FAM53A: variants seen among roughly 807,000 people sequenced by gnomAD.
FAM53A encodes the protein family with sequence similarity 53 member A, also known as protein FAM53A.
Under a neutral mutation model 26.6 loss-of-function variants are expected in FAM53A, and 28 were observed. The ratio of observed to expected loss-of-function variants is 1.05; its 90% CI spans 0.78 to 1.45. The LOEUF (loss-of-function observed/expected upper bound fraction) is 1.45. Ranked by LOEUF, FAM53A falls within the 40% of genes most tolerant of loss-of-function variation. The pLI, the probability that FAM53A is intolerant of heterozygous loss-of-function variation, is 0.00. For missense variants in FAM53A, 650 were observed against 575.8 expected (o/e 1.13, Z -1.32); for synonymous variants, 290 against 253.1 (o/e 1.15, Z -1.38).
the FAM53A span, among the ~76,000 whole-genome samples, chr4:1,599,802 G>A: frequency 6.6e-6 from 1 of 152,314 alleles, no homozygotes; most frequent in South Asian, 2.1e-4. The surrounding 1 kb of genome is among the most constrained non-coding windows in gnomAD (Gnocchi z 6.1). Flanking sequence ...ACCTGCACAG[G>A]CACTCCGAGT....
intron 4 of FAM53A, among the ~76,000 whole-genome samples, chr4:1,642,403 G>T (rs542085527): frequency 6.6e-6 from 1 of 152,032 alleles, no homozygotes; most frequent in Non-Finnish European, 1.5e-5. Context: ...TCTGCCCTCC[G>T]GAGGTGCCGC....
At chr4:1,575,416 G>C in the FAM53A span, among the ~76,000 whole-genome samples, 1 of 152,160 alleles carries the variant, frequency 6.6e-6, no homozygotes, top group Non-Finnish European at 1.5e-5. Flanking sequence ...TGAGTTTTAG[G>C]AGACTTTGAC....
the FAM53A span, among the ~76,000 whole-genome samples, chr4:1,579,876 G>A: frequency 6.6e-6 from 1 of 152,214 alleles, no homozygotes; most frequent in Non-Finnish European, 1.5e-5. Context: ...AGGCCTCGCC[G>A]TAAACTTCCT....
At chr4:1,592,699 G>A in the FAM53A span, among the ~76,000 whole-genome samples, 12 of 152,306 alleles carry the variant, frequency 7.9e-5, no homozygotes, top group South Asian at 2.5e-3. Context: ...AGCATGGAAG[G>A]AAGGAGGTGA....
At chr4:1,619,323 C>G (rs1236356676) in intron 1 of FAM53A, among the ~76,000 whole-genome samples, 3 of 152,194 alleles carry the variant, frequency 2.0e-5, no homozygotes, top group African/African-American at 7.2e-5. Context: ...ACTGCCAGGG[C>G]GGCCAACGAC....
At chr4:1,588,609 G>T in the FAM53A span, among the ~76,000 whole-genome samples, 2 of 152,186 alleles carry the variant, frequency 1.3e-5, no homozygotes, top group Non-Finnish European at 2.9e-5. Context: ...GGTCTTCTAT[G>T]AGTGAAGCTA....
At chr4:1,629,808 C>T (rs1306632688) in intron 1 of FAM53A, among the ~76,000 whole-genome samples, 2 of 152,198 alleles carry the variant, frequency 1.3e-5, no homozygotes, top group Non-Finnish European at 2.9e-5. Context: ...GCTCTGAGAA[C>T]AAGGCTGGGC....
intron 1 of FAM53A, among the ~76,000 whole-genome samples, chr4:1,620,912 G>A (rs1193609742): frequency 6.6e-6 from 1 of 152,022 alleles, no homozygotes; most frequent in Non-Finnish European, 1.5e-5. Flanking sequence ...GGTCCCCAGG[G>A]TCACCACATA....
the FAM53A span, among the ~76,000 whole-genome samples, chr4:1,610,062 G>A: frequency 1.3e-5 from 2 of 151,658 alleles, no homozygotes; most frequent in Non-Finnish European, 1.5e-5. Flanking sequence ...GCTTTGTGGC[G>A]GCCCCCGAGA....
the FAM53A span, among the ~76,000 whole-genome samples, chr4:1,611,611 G>A: frequency 6.6e-6 from 1 of 152,250 alleles, no homozygotes; most frequent in Admixed American, 6.5e-5. Context: ...GCCTGGGCGG[G>A]CAGCACCGTG....
chr4:1,588,646 G>A, the FAM53A span, among the ~76,000 whole-genome samples: 3 of 152,186 alleles, frequency 2.0e-5, no homozygotes, highest in Admixed American at 1.3e-4. Flanking sequence ...TCCAGCCCAG[G>A]CAAGCCTTCA....
intron 4 of FAM53A, 51 bp from the exon 5 acceptor site, chr4:1,641,658 A>G (rs1711735577): frequency 6.3e-7 from 1 of 1,593,294 alleles, no homozygotes; most frequent in South Asian, 1.1e-5. Flanking sequence ...ATCACACAGG[A>G]GGCAGCATCC....
Position 1,674,001 on chromosome 4 carries a change from G to A in FAM53A, c.-164-5096C>T, listed in dbSNP as rs191639121. Among the ~76,000 whole-genome samples the A allele has an allele frequency of 6.5e-4, 99 of 152,352 alleles. 1 individual carries two copies. The highest frequency in any genetic ancestry group is 3.4e-3 in the Middle Eastern group (1 of 294). ...GGAAGGCGTTAGTCAGGTCATCACC[G>A]ACACGTGTGTTGGCTTCCAAGATGC... On this transcript the variant is annotated intron_variant, in intron 1 of 4. Coordinates refer to ENST00000308132, the MANE Select transcript of FAM53A (RefSeq NM_001174070.3).
intron 4 of FAM53A, among the ~76,000 whole-genome samples, chr4:1,650,748 A>T (rs1488403670): frequency 6.7e-6 from 1 of 149,268 alleles, no homozygotes; most frequent in Non-Finnish European, 1.5e-5. Context: ...CACCCGCCTC[A>T]GCCTCCCAAG....
intron 1 of FAM53A, among the ~76,000 whole-genome samples, chr4:1,670,982 G>A (rs111291980): frequency 5.8e-5 from 6 of 103,464 alleles, no homozygotes; most frequent in Admixed American, 1.1e-4. Context: ...GCCACGGCCC[G>A]GACTCACCTC....
chr4:1,649,167 G>A (rs1712516831), intron 4 of FAM53A, among the ~76,000 whole-genome samples: 2 of 131,350 alleles, frequency 1.5e-5, no homozygotes, highest in Admixed American at 1.5e-4. Flanking sequence ...AAGGGAAGGG[G>A]AAAGGGAAAG....
chr4:1,657,079 G>A (rs140722195), intron 3 of FAM53A, among the ~76,000 whole-genome samples: 47 of 152,332 alleles, frequency 3.1e-4, no homozygotes, highest in African/African-American at 1.1e-3. Context: ...TGCCAGCCAC[G>A]CCGTCCTCTT....
intron 4 of FAM53A, among the ~76,000 whole-genome samples, chr4:1,652,806 C>T (rs959685024): frequency 2.0e-5 from 3 of 147,944 alleles, no homozygotes; most frequent in African/African-American, 7.5e-5. Flanking sequence ...ACACACGTCA[C>T]ACACACACCA....
chr4:1,617,345 T>C (rs1176490805), downstream of FAM53A, among the ~76,000 whole-genome samples: 2 of 152,280 alleles, frequency 1.3e-5, no homozygotes, highest in East Asian at 3.9e-4. Context: ...ACTTTTTTAG[T>C]TGCTGTTCTA....
Sources: allele counts gnomAD v4.1 joint callset (sites outside exome capture counted in the v4.1 genomes callset), GRCh38; gene constraint gnomAD v4.1.1; non-coding constraint Gnocchi (gnomAD v3.1); transcripts MANE v1.5; gene names NCBI Gene and HGNC (gene_info 2026-07-23, HGNC 2026-07-21).